CA10: variants seen among roughly 807,000 people sequenced by gnomAD.
CA10 encodes the protein carbonic anhydrase 10 (inactive).
A neutral mutation model predicts 44.2 loss-of-function variants in CA10; 14 were observed. The ratio of observed to expected loss-of-function variants is 0.32; its 90% CI spans 0.21 to 0.50. The LOEUF (loss-of-function observed/expected upper bound fraction) is 0.50, where lower values mean the gene tolerates loss of function less well. CA10 is among the 20% of genes least tolerant of loss of function. The pLI is 0.99. For synonymous variants in CA10, 159 were observed against 141.6 expected (o/e 1.12, Z -0.87); for missense variants, 350 against 409.7 (o/e 0.85, Z 1.26).
intron 1 of CA10, among the ~76,000 whole-genome samples, chr17:52,102,082 G>C (rs1988553404): frequency 6.6e-6 from 1 of 152,104 alleles, no homozygotes; most frequent in African/African-American, 2.4e-5. Flanking sequence ...CCTGACACCA[G>C]CAGCTCTGCT....
chr17:51,720,197 A>T (rs1262878209), intron 4 of CA10, among the ~76,000 whole-genome samples: 1 of 152,196 alleles, frequency 6.6e-6, no homozygotes, highest in Admixed American at 6.5e-5. Context: ...AGAATGAATT[A>T]TTCTATTGAG....
chr17:51,846,906 A>G lies in CA10; in HGVS notation c.279+84084T>C, dbSNP rs761063398. ...AGTGGCTGACAGGGATCAATGTAGC[A>G]CTGTGAACAAGTCTAAATAAATGTT... On this transcript the variant is annotated intron_variant, in intron 3 of 8. Coordinates refer to ENST00000451037, the MANE Select transcript of CA10 (RefSeq NM_020178.5). Among the ~76,000 whole-genome samples the G allele has an allele frequency of 1.1e-4, 16 of 152,238 alleles. 1 individual carries two copies. Among genetic ancestry groups the G allele is most frequent in the Admixed American group, 1.3e-4 (2 of 15,276 alleles).
intron 2 of CA10, among the ~76,000 whole-genome samples, chr17:52,032,027 C>T (rs1038406820): frequency 2.6e-5 from 4 of 152,212 alleles, no homozygotes; most frequent in Admixed American, 2.0e-4. Flanking sequence ...AAATAAAAAT[C>T]GAGTAAGTTA....
intron 2 of CA10, 81 bp from the exon 3 acceptor site, chr17:51,931,213 C>A: frequency 1.4e-6 from 2 of 1,397,224 alleles, no homozygotes; most frequent in Admixed American, 1.9e-5. Flanking sequence ...TATGTACAAA[C>A]GTGGTAAAAT....
At chr17:51,684,719 CTG>C (rs1914952986) in intron 4 of CA10, among the ~76,000 whole-genome samples, 1 of 152,210 alleles carries the variant, frequency 6.6e-6, no homozygotes, top group Non-Finnish European at 1.5e-5. Context: ...TACATGACCT[CTG>C]TACATCCGGA....
At chr17:51,715,379 C>A (rs115242300) in intron 4 of CA10, among the ~76,000 whole-genome samples, 3,043 of 151,898 alleles carry the variant, frequency 0.02, 109 homozygotes, top group African/African-American at 0.07. Flanking sequence ...TTAAAAAAAA[C>A]CAAAAAACAT....
intron 2 of CA10, among the ~76,000 whole-genome samples, chr17:52,056,374 C>T (rs541970655): frequency 4.9e-4 from 75 of 151,972 alleles, no homozygotes; most frequent in African/African-American, 1.6e-3. Flanking sequence ...AGTCATGAAG[C>T]GGGTTGGTGG....
Position 51,890,513 on chromosome 17 carries a change from T to G in CA10, c.279+40477A>C, listed in dbSNP as rs187494014. Among the ~76,000 whole-genome samples the G allele has an allele frequency of 2.9e-3, 444 of 152,342 alleles. 1 individual carries two copies. The highest frequency in any genetic ancestry group is 3.9e-3 in the Non-Finnish European group (263 of 68,034). On this transcript the variant is annotated intron_variant, in intron 3 of 8. Coordinates refer to ENST00000451037, the MANE Select transcript of CA10 (RefSeq NM_020178.5). ...GGGCTATTTTGTTGTTTGTTTGTTTTTTTTGCCTTTTAAACCTCGCTTGAA... is the reference window on the plus strand; with the variant it reads ...GGGCTATTTTGTTGTTTGTTTGTTTGTTTTGCCTTTTAAACCTCGCTTGAA...
chr17:52,065,081 G>A (rs918813409), intron 2 of CA10, among the ~76,000 whole-genome samples: 2 of 152,108 alleles, frequency 1.3e-5, no homozygotes, highest in Admixed American at 6.6e-5. Context: ...TTGCACTCTG[G>A]CCACAGTGAC....
intron 6 of CA10, among the ~76,000 whole-genome samples, chr17:51,641,236 ATCCTAGATGTCAAGTCAAGAGTCT>A (rs1421333340): frequency 1.3e-5 from 2 of 151,924 alleles, no homozygotes; most frequent in African/African-American, 2.4e-5. Flanking sequence ...TAAAGGGCAA[ATCCTAGATGTCAAGTCAAGAGTCT>A]TAATTCAAGT....
intron 3 of CA10, among the ~76,000 whole-genome samples, chr17:51,872,099 C>T (rs967480233): frequency 2.0e-5 from 3 of 152,100 alleles, no homozygotes; most frequent in Non-Finnish European, 4.4e-5. Flanking sequence ...AGAAACAGCA[C>T]GTTAAAGACA....
chr17:51,840,788 T>C (rs1241112226), intron 3 of CA10, among the ~76,000 whole-genome samples: 1 of 152,174 alleles, frequency 6.6e-6, no homozygotes, highest in African/African-American at 2.4e-5. Flanking sequence ...GAAAATACGA[T>C]ATCAAAACCA....
rs1464320674 is a variant in CA10 at position 51,999,282 on chromosome 17, A to T, written c.137-68150T>A. ...AGGATTGTGGGAAAACCTCTGGGCTAAGAGTTAGGGAAAACAGTTCTAGAT... is the reference window on the plus strand; with the variant it reads ...AGGATTGTGGGAAAACCTCTGGGCTTAGAGTTAGGGAAAACAGTTCTAGAT... On this transcript the variant is annotated intron_variant, in intron 2 of 8. Transcript: ENST00000451037. Among the ~76,000 whole-genome samples, 5 of 152,160 alleles carry T rather than the reference A, an allele frequency of 3.3e-5. No homozygotes were observed. In the South Asian group the frequency reaches 1.0e-3, roughly 32 times the overall value.
chr17:51,787,217 A>AT lies in CA10; in HGVS notation c.280-39400dup, dbSNP rs375971902. Among the ~76,000 whole-genome samples the AT allele has an allele frequency of 3.0e-3, 452 of 152,210 alleles. 2 individuals are homozygous for AT. Among genetic ancestry groups the AT allele is most frequent in the African/African-American group, 0.01 (432 of 41,534 alleles). On this transcript the variant is annotated intron_variant, in intron 3 of 8. Coordinates refer to ENST00000451037, the MANE Select transcript of CA10 (RefSeq NM_020178.5). The stretch of plus-strand genomic sequence containing the variant: ...TGAACTTGGAAGTATTCCCTTCTCC[A>AT]TTTTTTGGAATTATTTGAGTAGGAT...
chr17:51,866,813 C>G (rs1038665739), intron 3 of CA10, among the ~76,000 whole-genome samples: 2 of 152,212 alleles, frequency 1.3e-5, no homozygotes, highest in South Asian at 4.2e-4. Context: ...AAATGTAGCT[C>G]CATATAGTGG....
chr17:51,875,021 C>A (rs1237704526), intron 3 of CA10, among the ~76,000 whole-genome samples: 2 of 141,594 alleles, frequency 1.4e-5, no homozygotes, highest in Admixed American at 7.0e-5. Flanking sequence ...CTTTGTTGCC[C>A]AGGCTGGAGT....
intron 4 of CA10, among the ~76,000 whole-genome samples, chr17:51,654,558 ATT>A (rs35152422): frequency 1.5e-3 from 214 of 145,202 alleles, no homozygotes; most frequent in African/African-American, 1.5e-3. Context: ...TGGAAGCCTA[ATT>A]TTTTTTTTTT....
chr17:51,700,393 C>G (rs1333359134), intron 4 of CA10, among the ~76,000 whole-genome samples: 1 of 152,138 alleles, frequency 6.6e-6, no homozygotes, highest in Non-Finnish European at 1.5e-5. Context: ...CTGACAAGAC[C>G]CCTGGGTTTT....
chr17:51,662,932 T>C (rs983205520), intron 4 of CA10, among the ~76,000 whole-genome samples: 5 of 152,162 alleles, frequency 3.3e-5, no homozygotes, highest in Admixed American at 6.5e-5. Context: ...TGCACAAATG[T>C]AGAGTGATAT....
Sources: gnomAD v4.1 joint callset for allele counts (sites outside exome capture counted in the v4.1 genomes callset) on GRCh38, gnomAD v4.1.1 for gene constraint, MANE v1.5 for transcripts, NCBI Gene and HGNC (gene_info 2026-07-23, HGNC 2026-07-21) for gene names.